STARD3: variants seen among roughly 807,000 people sequenced by gnomAD.
STARD3 encodes StAR related lipid transfer domain containing 3.
STARD3 carries 39 observed loss-of-function variants against 62.0 expected under a neutral mutation model. The ratio of observed to expected loss-of-function variants is 0.63; its 90% CI spans 0.49 to 0.82. The LOEUF (loss-of-function observed/expected upper bound fraction) is 0.82. Among genes scored for constraint, STARD3 ranks in the 40% least tolerant of loss-of-function variants. The probability of loss-of-function intolerance (pLI) is 0.00; values close to 1 mark genes in which losing one functional copy is unlikely to be tolerated. For synonymous variants in STARD3, 229 were observed against 242.4 expected (o/e 0.94, Z 0.51); for missense variants, 543 against 584.5 (o/e 0.93, Z 0.73).
chr17:39,654,913 C>A (rs1221800610), intron 2 of STARD3, among the ~76,000 whole-genome samples: 2 of 152,212 alleles, frequency 1.3e-5, no homozygotes. Context: ...AGACAGGGCT[C>A]TGAGGGTGAC....
chr17:39,663,086 A>C lies in STARD3; in HGVS notation c.*178A>C. On this transcript the variant is annotated 3_prime_UTR_variant, in exon 15 of 15. Transcript: ENST00000336308. ...AGCAGGCTGTGGGGTGGAGCACTGG[A>C]CTCCGGGGCCCCACTGGCTGGAGGA... 3.4e-6 allele frequency: 2 copies of C among 592,026 alleles called. No homozygotes were observed. The highest frequency in any genetic ancestry group is 5.5e-6 in the Non-Finnish European group (2 of 365,518). The allele number at this position is 592,026 out of a possible 1,614,324, so 36.7% of individuals were successfully genotyped here.
chr17:39,658,444 G>A lies in STARD3; in HGVS notation c.469G>A (p.Val157Ile), dbSNP rs374855495. 3.2e-5 allele frequency: 51 copies of A among 1,614,022 alleles called. No homozygotes were observed. The highest frequency in any genetic ancestry group is 3.3e-4 in the Middle Eastern group (2 of 6,082). Residue 157 changes from valine to isoleucine, a missense_variant, in exon 6 of 15, where the codon GTC becomes ATC. Physicochemically the swap from Val to Ile is conservative, Grantham distance 29. Coordinates refer to ENST00000336308, the MANE Select transcript of STARD3 (RefSeq NM_006804.4). ...GGCATTTGGCTACCTGCTCCCCATC[G>A]TCTCTTTTGTCCTCGCCTGGTTGGA... ...KGAFGYLLPI[V>I]SFVLAWLETW... is the part of the protein sequence containing the mutation.
At chr17:39,661,142 G>T (rs376590191) in intron 13 of STARD3, 57 bp downstream of exon 13, 2 of 1,516,310 alleles carry the variant, frequency 1.3e-6, no homozygotes, top group East Asian at 4.5e-5. Flanking sequence ...GGAGCATTGA[G>T]CAGTGCAGGG....
chr17:39,662,799 C>T lies in STARD3; in HGVS notation c.1234-5C>T, dbSNP rs1435280601. ...CAAGTGTGACTTCTGCCTGCCTTCC[C>T]CCAGGGCCGCCTGCCCCGGTACCTC... On this transcript the variant is annotated splice_polypyrimidine_tract_variant and splice_region_variant and intron_variant, in intron 14 of 14. Transcript: ENST00000336308. 6.2e-7 allele frequency: 1 copy of T among 1,606,044 alleles called. No individual in the cohort carries two copies. Among genetic ancestry groups the T allele is most frequent in the Non-Finnish European group, 8.5e-7 (1 of 1,176,336 alleles).
intron 1 of STARD3, among the ~76,000 whole-genome samples, chr17:39,641,623 C>T (rs1044415935): frequency 2.0e-5 from 3 of 152,176 alleles, no homozygotes; most frequent in Admixed American, 1.3e-4. Context: ...GTAATAGCTG[C>T]TATTAATTAA....
At chr17:39,662,551 C>CT (rs1281157941) in intron 14 of STARD3, 6 of 636,390 alleles carry the variant, frequency 9.4e-6, no homozygotes, top group Non-Finnish European at 1.6e-5. Context: ...CTTCTTACCT[C>CT]TGAGTCCTGA....
At chr17:39,659,906 C>CA in intron 9 of STARD3, 1 of 535,104 alleles carries the variant, frequency 1.9e-6, no homozygotes, top group South Asian at 2.2e-5. Context: ...CAGAGAGCAA[C>CA]ATGCCCCAGT....
intron 1 of STARD3, among the ~76,000 whole-genome samples, chr17:39,639,946 G>A (rs2056968528): frequency 6.6e-6 from 1 of 152,168 alleles, no homozygotes; most frequent in Admixed American, 6.5e-5. Flanking sequence ...TCCCTTCTCT[G>A]GGAGCCCACG....
chr17:39,648,199 A>C lies in STARD3; in HGVS notation c.-51-5282A>C, dbSNP rs536340505. ...ACTCGGGAGGCTGAGGCAGGAGAGAATCGCTTGAACCCAGGAGGCGGAGCT... is the reference window on the plus strand; with the variant it reads ...ACTCGGGAGGCTGAGGCAGGAGAGACTCGCTTGAACCCAGGAGGCGGAGCT... On this transcript the variant is annotated intron_variant, in intron 1 of 14. Transcript: ENST00000336308. 6.0e-4 allele frequency among the ~76,000 whole-genome samples: 92 copies of C among 152,178 alleles called. 1 individual carries two copies. In the East Asian group the frequency reaches 0.011, roughly 18 times the overall value.
intron 5 of STARD3, 167 bp from the exon 6 acceptor site, chr17:39,658,238 C>G (rs778275102): frequency 2.4e-6 from 2 of 823,736 alleles, no homozygotes; most frequent in Non-Finnish European, 1.9e-6. Context: ...GGTTCTTTCT[C>G]CAGCCTAACC....
In STARD3 at chr17:39,660,018, A is replaced by G. The variant is rs1054020689; in HGVS notation, c.796-193A>G. ...CCCCCCGTCTTTTAACTCGACATCA[A>G]AAGCCTCTCTCCTGCCAGTGCCATA... On this transcript the variant is annotated intron_variant, in intron 9 of 14. Coordinates refer to ENST00000336308, the MANE Select transcript of STARD3 (RefSeq NM_006804.4). The surrounding 1 kb of genome is among the most constrained non-coding windows in gnomAD (Gnocchi z 4.8). The G allele has an allele frequency of 1.2e-4, 71 of 603,936 alleles. 1 individual carries two copies. The South Asian group carries it at 1.4e-3, about 12-fold the overall frequency. 37.4% of individuals were successfully genotyped at this position (603,936 alleles called of 1,614,324 possible).
intron 1 of STARD3, among the ~76,000 whole-genome samples, chr17:39,642,696 C>T (rs1286785717): frequency 6.6e-6 from 1 of 152,070 alleles, no homozygotes; most frequent in Non-Finnish European, 1.5e-5. Flanking sequence ...GTGACAAGTG[C>T]TGTGAAGAAA....
intron 1 of STARD3, chr17:39,637,444 C>G (rs1471027754): frequency 6.6e-6 from 1 of 152,308 alleles, no homozygotes; most frequent in Non-Finnish European, 1.5e-5. Context: ...CCCCGCCTAT[C>G]CTGGGGAGCC....
chr17:39,663,093 G>C lies in STARD3; in HGVS notation c.*185G>C. ...TGTGGGGTGGAGCACTGGACTCCGG[G>C]GCCCCACTGGCTGGAGGAAGTGGGG... On this transcript the variant is annotated 3_prime_UTR_variant, in exon 15 of 15. Coordinates refer to ENST00000336308, the MANE Select transcript of STARD3 (RefSeq NM_006804.4). 1.8e-6 allele frequency: 1 copy of C among 556,868 alleles called. No individual in the cohort carries two copies. Among genetic ancestry groups the C allele is most frequent in the South Asian group, 2.7e-5 (1 of 36,378 alleles). 34.5% of individuals were successfully genotyped at this position (556,868 alleles called of 1,614,324 possible).
chr17:39,639,895 TG>T (rs2056968059), intron 1 of STARD3, among the ~76,000 whole-genome samples: 1 of 152,220 alleles, frequency 6.6e-6, no homozygotes, highest in African/African-American at 2.4e-5. Context: ...CTCCTCCCTG[TG>T]GCTTTTCTGA....
intron 1 of STARD3, among the ~76,000 whole-genome samples, chr17:39,640,056 A>G (rs1458149688): frequency 6.6e-6 from 1 of 152,234 alleles, no homozygotes; most frequent in African/African-American, 2.4e-5. Context: ...GGACCAGAAC[A>G]GGGTCCTGTG....
intron 13 of STARD3, 157 bp downstream of exon 13, chr17:39,661,242 T>G: frequency 1.5e-6 from 1 of 647,366 alleles, no homozygotes; most frequent in Non-Finnish European, 2.7e-6. Context: ...CTACTAATCC[T>G]GCTAATCTTG....
intron 3 of STARD3, 66 bp from the exon 4 acceptor site, chr17:39,657,709 G>T (rs1482902081): frequency 1.3e-6 from 2 of 1,584,472 alleles, no homozygotes; most frequent in East Asian, 4.5e-5. Context: ...CCAGAGGGGA[G>T]GTCAGCCTGC....
At chr17:39,650,082 C>T (rs1025025996) in intron 1 of STARD3, among the ~76,000 whole-genome samples, 3 of 152,062 alleles carry the variant, frequency 2.0e-5, no homozygotes, top group East Asian at 3.9e-4. Flanking sequence ...GGGGTTGAAT[C>T]GTGTCCCCCG....
Sources: allele counts gnomAD v4.1 joint callset (sites outside exome capture counted in the v4.1 genomes callset), GRCh38; gene constraint gnomAD v4.1.1; non-coding constraint Gnocchi (gnomAD v3.1); transcripts MANE v1.5; gene names NCBI Gene and HGNC (gene_info 2026-07-23, HGNC 2026-07-21).